The following FUT8 variants were observed in gnomAD, a reference collection of about 807,000 sequenced individuals.
FUT8 encodes fucosyltransferase 8.
In FUT8, 29 loss-of-function variants were observed where a neutral mutation model predicts 71.3. That is an observed-to-expected ratio of 0.41 (90% CI 0.30 to 0.55). The LOEUF (loss-of-function observed/expected upper bound fraction) is 0.55. Among genes scored for constraint, FUT8 ranks in the 20% least tolerant of loss-of-function variants. The pLI, the probability that FUT8 is intolerant of heterozygous loss-of-function variation, is 0.34. For synonymous variants in FUT8, 254 were observed against 239.3 expected (o/e 1.06, Z -0.57); for missense variants, 544 against 702.1 (o/e 0.77, Z 2.55).
chr14:65,644,881 T>C (rs1276084382), intron 6 of FUT8, among the ~76,000 whole-genome samples: 1 of 152,186 alleles, frequency 6.6e-6, no homozygotes, highest in Non-Finnish European at 1.5e-5. Flanking sequence ...ATACATACTT[T>C]CTCTGTAAAG....
the FUT8 span, among the ~76,000 whole-genome samples, chr14:65,393,943 G>C: frequency 1.3e-5 from 2 of 152,074 alleles, no homozygotes; most frequent in African/African-American, 4.8e-5. Flanking sequence ...AAGTGAAAGG[G>C]GGTTTCCCCT....
At chr14:65,398,021 T>C in the FUT8 span, among the ~76,000 whole-genome samples, 2 of 152,260 alleles carry the variant, frequency 1.3e-5, no homozygotes, top group Non-Finnish European at 2.9e-5. Flanking sequence ...TCATTTTGAC[T>C]GTAATAAAAG....
At chr14:65,374,549 A>C in the FUT8 span, among the ~76,000 whole-genome samples, 4 of 151,654 alleles carry the variant, frequency 2.6e-5, no homozygotes, top group African/African-American at 9.7e-5. Context: ...AGACAGCTGG[A>C]CTAGTGTGCC....
intron 2 of FUT8, among the ~76,000 whole-genome samples, chr14:65,556,234 A>C (rs982230873): frequency 6.6e-6 from 1 of 152,182 alleles, no homozygotes; most frequent in African/African-American, 2.4e-5. Flanking sequence ...CCTCTGGCTA[A>C]GCTCCATCTC....
intron 6 of FUT8, among the ~76,000 whole-genome samples, chr14:65,633,963 CT>C (rs1890389349): frequency 6.6e-6 from 1 of 150,682 alleles, no homozygotes; most frequent in Admixed American, 6.6e-5. Flanking sequence ...CCCTGCCCGG[CT>C]AGCCGCCCCA....
chr14:65,712,371 G>C (rs1343332727), intron 7 of FUT8, among the ~76,000 whole-genome samples: 2 of 152,184 alleles, frequency 1.3e-5, no homozygotes, highest in African/African-American at 4.8e-5. Context: ...CTGAACTTTA[G>C]AGTTCAAGGT....
intron 3 of FUT8, among the ~76,000 whole-genome samples, chr14:65,599,162 G>A (rs1388584944): frequency 1.3e-5 from 2 of 152,016 alleles, no homozygotes; most frequent in Non-Finnish European, 2.9e-5. Flanking sequence ...CCTTATAAAT[G>A]AGAAATAAGC....
intron 2 of FUT8, among the ~76,000 whole-genome samples, chr14:65,528,245 A>G (rs1163318827): frequency 2.0e-5 from 3 of 152,198 alleles, no homozygotes; most frequent in Non-Finnish European, 4.4e-5. Context: ...AGCCTCAGCA[A>G]TGGCAGGTAC....
the FUT8 span, among the ~76,000 whole-genome samples, chr14:65,380,672 C>T: frequency 1.3e-5 from 2 of 152,204 alleles, no homozygotes; most frequent in Non-Finnish European, 2.9e-5. Flanking sequence ...TGGGGTCCTC[C>T]AAGGCTCTTT....
intron 7 of FUT8, among the ~76,000 whole-genome samples, chr14:65,672,655 C>T (rs1186802261): frequency 1.3e-5 from 2 of 152,074 alleles, no homozygotes; most frequent in East Asian, 3.9e-4. Flanking sequence ...GAAATAGGGT[C>T]TCACTATATT....
chr14:65,638,654 A>G lies in FUT8; in HGVS notation c.597+9048A>G, dbSNP rs547190609. On this transcript the variant is annotated intron_variant, in intron 6 of 10. Coordinates refer to ENST00000673929, the MANE Select transcript of FUT8 (RefSeq NM_001371533.1). This position sits in a 1 kb window ranked among gnomAD's most constrained non-coding sequence, Gnocchi z 4.5. Reference sequence around the variant, plus strand: ...ATTAAACATACATTTCAGCTTATGGAACCCCTCACTCCAACACAGGATTTG... The same window carrying G: ...ATTAAACATACATTTCAGCTTATGGGACCCCTCACTCCAACACAGGATTTG... Among the ~76,000 whole-genome samples, 94 of 152,272 alleles carry G rather than the reference A, an allele frequency of 6.2e-4. No individual in the cohort carries two copies. The highest frequency in any genetic ancestry group is 2.2e-3 in the African/African-American group (92 of 41,542).
chr14:65,523,793 G>A (rs576634654), intron 2 of FUT8, among the ~76,000 whole-genome samples: 1 of 152,224 alleles, frequency 6.6e-6, no homozygotes, highest in South Asian at 2.1e-4. Flanking sequence ...TCTCCATATG[G>A]CTAGCCAGTT....
chr14:65,647,546 T>G (rs1354540185), intron 6 of FUT8, among the ~76,000 whole-genome samples: 2 of 152,198 alleles, frequency 1.3e-5, no homozygotes, highest in Non-Finnish European at 2.9e-5. Context: ...AGATTAAAAC[T>G]GATAATCAGA....
At chr14:65,602,101 A>G (rs1055236874) in intron 3 of FUT8, among the ~76,000 whole-genome samples, 10 of 151,464 alleles carry the variant, frequency 6.6e-5, no homozygotes, top group Middle Eastern at 3.2e-3. Context: ...GCTGAACCCA[A>G]TTTGTAGTGT....
intron 6 of FUT8, among the ~76,000 whole-genome samples, chr14:65,639,630 ACTAAGTTTTCCT>A (rs1179523071): frequency 1.3e-5 from 2 of 152,164 alleles, no homozygotes; most frequent in East Asian, 3.9e-4. Context: ...TCTCTGGTAC[ACTAAGTTTTCCT>A]ATGGGCTCCT....
At chr14:65,559,221 C>T (rs1000577376) in intron 2 of FUT8, among the ~76,000 whole-genome samples, 23 of 151,918 alleles carry the variant, frequency 1.5e-4, no homozygotes, top group African/African-American at 4.8e-4. Context: ...CTGTTTTCTG[C>T]GTTACTTTTG....
chr14:65,366,696 A>G, the FUT8 span, among the ~76,000 whole-genome samples: 16 of 152,176 alleles, frequency 1.1e-4, no homozygotes, highest in African/African-American at 3.4e-4. Flanking sequence ...ATAGTGTCGT[A>G]TCTTAGAGCC....
At chr14:65,524,940 G>C (rs1041736956) in intron 2 of FUT8, among the ~76,000 whole-genome samples, 4 of 152,172 alleles carry the variant, frequency 2.6e-5, no homozygotes, top group Non-Finnish European at 4.4e-5. Flanking sequence ...GATCATGGTG[G>C]ATAAGCTTTT....
chr14:65,436,964 T>C (rs1010960621), intron 1 of FUT8, among the ~76,000 whole-genome samples: 1 of 152,268 alleles, frequency 6.6e-6, no homozygotes, highest in Non-Finnish European at 1.5e-5. Flanking sequence ...ACAGGCAGTA[T>C]GTCTAATGGA....
Sources: allele counts gnomAD v4.1 joint callset (sites outside exome capture counted in the v4.1 genomes callset), GRCh38; gene constraint gnomAD v4.1.1; non-coding constraint Gnocchi (gnomAD v3.1); transcripts MANE v1.5; gene names NCBI Gene and HGNC (gene_info 2026-07-23, HGNC 2026-07-21).